Variants in IKZF3 observed in about 807,000 individuals in gnomAD.
IKZF3 encodes the protein IKAROS family zinc finger 3, also known as zinc finger protein Aiolos.
In IKZF3, 10 loss-of-function variants were observed where a neutral mutation model predicts 49.0. The ratio of observed to expected loss-of-function variants is 0.20; its 90% CI spans 0.13 to 0.35. IKZF3 has a LOEUF of 0.35. Among genes scored for constraint, IKZF3 ranks in the 10% least tolerant of loss-of-function variants. IKZF3 has a pLI of 1.00. For synonymous variants in IKZF3, 209 were observed against 228.2 expected (o/e 0.92, Z 0.76); for missense variants, 498 against 664.8 (o/e 0.75, Z 2.76).
intron 1 of IKZF3, among the ~76,000 whole-genome samples, chr17:39,834,537 C>A (rs545174386): frequency 6.6e-6 from 1 of 152,122 alleles, no homozygotes; most frequent in African/African-American, 2.4e-5. Flanking sequence ...TGGGGGAATT[C>A]GGGAATTCTT....
chr17:39,775,215 A>T (rs2060548435), intron 7 of IKZF3, among the ~76,000 whole-genome samples: 1 of 152,134 alleles, frequency 6.6e-6, no homozygotes, highest in Non-Finnish European at 1.5e-5. Context: ...AAAAAAAAAA[A>T]AAATTCCCCC....
At chr17:39,835,901 C>T (rs2062264987) in intron 1 of IKZF3, 13 of 651,350 alleles carry the variant, frequency 2.0e-5, no homozygotes, top group South Asian at 1.7e-4. Context: ...CCACCAGCCC[C>T]TGCATGTTGC....
At chr17:39,767,565 TATA>T (rs1365511930) in intron 7 of IKZF3, among the ~76,000 whole-genome samples, 1 of 152,160 alleles carries the variant, frequency 6.6e-6, no homozygotes, top group Non-Finnish European at 1.5e-5. Context: ...CATATCCTTC[TATA>T]ATGTTTCCTA....
chr17:39,817,044 A>G (rs370988454), intron 3 of IKZF3, among the ~76,000 whole-genome samples: 18 of 152,280 alleles, frequency 1.2e-4, no homozygotes, highest in Admixed American at 9.2e-4. Context: ...GTTTTTTCCA[A>G]GTATTTTTGT....
intron 4 of IKZF3, among the ~76,000 whole-genome samples, chr17:39,792,340 A>G (rs2061045643): frequency 6.6e-6 from 1 of 152,242 alleles, no homozygotes; most frequent in Non-Finnish European, 1.5e-5. Context: ...GCTCTTATTA[A>G]AAATGTTATG....
chr17:39,802,911 T>A (rs1212577685), intron 3 of IKZF3, among the ~76,000 whole-genome samples: 1 of 152,114 alleles, frequency 6.6e-6, no homozygotes, highest in African/African-American at 2.4e-5. Context: ...AAAAGTTTCA[T>A]TTGCAAAGGA....
chr17:39,837,753 C>T (rs562590593), intron 1 of IKZF3, among the ~76,000 whole-genome samples: 161 of 152,200 alleles, frequency 1.1e-3, no homozygotes, highest in African/African-American at 3.7e-3. Context: ...ATTCTCCTGC[C>T]TCAGCCTCCC....
At chr17:39,793,608 T>C (rs2061085860) in intron 3 of IKZF3, among the ~76,000 whole-genome samples, 3 of 151,936 alleles carry the variant, frequency 2.0e-5, no homozygotes, top group African/African-American at 7.3e-5. Context: ...ACCTAAGGAG[T>C]CACTTTCATC....
At chr17:39,815,271 T>C (rs1476853309) in intron 3 of IKZF3, among the ~76,000 whole-genome samples, 1 of 152,254 alleles carries the variant, frequency 6.6e-6, no homozygotes, top group Non-Finnish European at 1.5e-5. Context: ...GAGTTCTATT[T>C]CAGTCGTTCA....
At position 39,760,943 on chromosome 17, in the gene IKZF3, G is replaced by C. The variant is rs1220526008; in HGVS notation, c.*4847C>G. ...AGGTGGGCAGATTGCTTGAGCCCAG[G>C]ATTTTGAGACTAGCCTGGGCAGTAT... On this transcript the variant is annotated 3_prime_UTR_variant, in exon 8 of 8. Coordinates refer to ENST00000346872, the MANE Select transcript of IKZF3 (RefSeq NM_012481.5). 6.6e-6 allele frequency: 1 copy of C among 152,208 alleles called. No homozygotes were observed. Among genetic ancestry groups the C allele is most frequent in the Non-Finnish European group, 1.5e-5 (1 of 68,046 alleles). 9.4% of individuals were successfully genotyped at this position (152,208 alleles called of 1,614,324 possible).
rs145590027 is a variant in IKZF3 at position 39,807,455 on chromosome 17, G to A, written c.164-14522C>T. Among the ~76,000 whole-genome samples the A allele has an allele frequency of 8.2e-3, 1,224 of 148,616 alleles. 17 individuals are homozygous for A. The highest frequency in any genetic ancestry group is 0.029 in the African/African-American group (1,162 of 40,254). ...ACTGTCACCCAGGCTGGAGTGCAGC[G>A]GCATGATCATGGCTCACTAGGCAGC... On this transcript the variant is annotated intron_variant, in intron 3 of 7. Coordinates refer to ENST00000346872, the MANE Select transcript of IKZF3 (RefSeq NM_012481.5).
At chr17:39,833,661 C>A (rs1184770343) in intron 1 of IKZF3, among the ~76,000 whole-genome samples, 1 of 152,126 alleles carries the variant, frequency 6.6e-6, no homozygotes, top group Non-Finnish European at 1.5e-5. Context: ...TTTATCCATT[C>A]TCCTATTGAT....
intron 3 of IKZF3, among the ~76,000 whole-genome samples, chr17:39,806,151 ATT>A (rs1382670343): frequency 6.6e-6 from 1 of 152,130 alleles, no homozygotes. Flanking sequence ...GAATTTTCTC[ATT>A]TGTGTTGCAG....
At chr17:39,860,811 A>G (rs2063195092) in intron 1 of IKZF3, among the ~76,000 whole-genome samples, 1 of 152,198 alleles carries the variant, frequency 6.6e-6, no homozygotes, top group Non-Finnish European at 1.5e-5. Context: ...TAGAAGCCCA[A>G]TCCTCAGCAT....
rs918940410 is a variant in IKZF3 at position 39,830,868 on chromosome 17, C to T, written c.61+1230G>A. Among the ~76,000 whole-genome samples, 5 of 152,186 alleles carry T rather than the reference C, an allele frequency of 3.3e-5. No individual in the cohort carries two copies. The South Asian group carries it at 1.0e-3, about 32-fold the overall frequency. ...CACACGCGGGAGCGAAAGAGAAACACGTTTCACAAAACCCATCACTAAGAG... is the reference window on the plus strand; with the variant it reads ...CACACGCGGGAGCGAAAGAGAAACATGTTTCACAAAACCCATCACTAAGAG... On this transcript the variant is annotated intron_variant, in intron 2 of 7. Coordinates refer to ENST00000346872, the MANE Select transcript of IKZF3 (RefSeq NM_012481.5).
chr17:39,836,725 A>C (rs987800597), intron 1 of IKZF3, among the ~76,000 whole-genome samples: 6 of 152,280 alleles, frequency 3.9e-5, no homozygotes, highest in Admixed American at 1.3e-4. Context: ...TATACACTTC[A>C]CATAAAATGT....
At chr17:39,766,636 T>C (rs2060300183) in intron 7 of IKZF3, 143 bp from the exon 8 acceptor site, 2 of 686,366 alleles carry the variant, frequency 2.9e-6, no homozygotes, top group East Asian at 5.4e-5. Flanking sequence ...TGGTTTCCCA[T>C]GGTGCTGTCT....
At chr17:39,832,049 A>AT (rs35327114) in intron 2 of IKZF3, 49 bp downstream of exon 2, 72 of 1,358,360 alleles carry the variant, frequency 5.3e-5, no homozygotes, top group Middle Eastern at 3.6e-4. Flanking sequence ...TCTCTTTGGT[A>AT]TTTTTTTTAG....
At chr17:39,850,576 A>G (rs1409203417) in intron 1 of IKZF3, among the ~76,000 whole-genome samples, 1 of 105,566 alleles carries the variant, frequency 9.5e-6, no homozygotes, top group Non-Finnish European at 1.9e-5. Flanking sequence ...TATAGTATAT[A>G]GCATATTATA....
Sources: allele counts gnomAD v4.1 joint callset (sites outside exome capture counted in the v4.1 genomes callset), GRCh38; gene constraint gnomAD v4.1.1; transcripts MANE v1.5; gene names NCBI Gene and HGNC (gene_info 2026-07-23, HGNC 2026-07-21).